Variants in ZNF638 observed in about 807,000 individuals in gnomAD.
The protein encoded by ZNF638 is zinc finger protein 638.
Under a neutral mutation model 195.6 loss-of-function variants are expected in ZNF638, and 46 were observed. The observed-to-expected ratio is 0.24, with a 90% CI of 0.19 to 0.30. The LOEUF is 0.30. ZNF638 is among the 10% of genes least tolerant of loss of function. The pLI is 1.00. For synonymous variants in ZNF638, 845 were observed against 772.0 expected (o/e 1.09, Z -1.57); for missense variants, 2,440 against 2,325.3 (o/e 1.05, Z -1.01).
At chr2:71,361,154 G>C in intron 3 of ZNF638, among the ~76,000 whole-genome samples, 1 of 152,096 alleles carries the variant, frequency 6.6e-6, no homozygotes, top group East Asian at 1.9e-4. Context: ...GTAGAGACAG[G>C]GTTGCCAAAG....
intron 10 of ZNF638, among the ~76,000 whole-genome samples, chr2:71,386,337 T>C (rs1394645544): frequency 6.6e-6 from 1 of 151,308 alleles, no homozygotes; most frequent in Non-Finnish European, 1.5e-5. Context: ...ATTTATGATA[T>C]GTATGTGTGT....
At chr2:71,340,339 A>G (rs1316379333) in intron 1 of ZNF638, among the ~76,000 whole-genome samples, 1 of 152,234 alleles carries the variant, frequency 6.6e-6, no homozygotes, top group Non-Finnish European at 1.5e-5. Context: ...CTTTTGTGAG[A>G]CAAGAGAGGA....
In ZNF638 at chr2:71,365,722, A is replaced by G. The variant is rs959830807; in HGVS notation, c.1995+16A>G. The G allele has an allele frequency of 1.3e-6, 2 of 1,579,454 alleles. No homozygotes were observed. Among genetic ancestry groups the G allele is most frequent in the Non-Finnish European group, 1.7e-6 (2 of 1,164,738 alleles). ...CCAGCGAAAGGTAATTCTTTAATTA[A>G]TAATTATTTTTAGAGATAAGGTTTC... On this transcript the variant is annotated intron_variant, in intron 6 of 27. Transcript: ENST00000264447.
intron 1 of ZNF638, among the ~76,000 whole-genome samples, chr2:71,342,901 C>T (rs1225074618): frequency 6.6e-6 from 1 of 151,918 alleles, no homozygotes; most frequent in African/African-American, 2.4e-5. Context: ...GAATATTATG[C>T]CTTTGTCAGA....
In ZNF638 at chr2:71,374,589, C is replaced by T. The variant is rs555868438; in HGVS notation, c.2265+4584C>T. 5.9e-5 allele frequency among the ~76,000 whole-genome samples: 9 copies of T among 152,190 alleles called. No individual in the cohort carries two copies. In the South Asian group the frequency reaches 8.3e-4, roughly 14 times the overall value. ...AATTTAATTAATACTGTGTTGAATT[C>T]GTGATAGTATTTTTACAACACTAAG... On this transcript the variant is annotated intron_variant, in intron 8 of 27. Coordinates refer to ENST00000264447, the MANE Select transcript of ZNF638 (RefSeq NM_014497.5).
chr2:71,364,128 TAGATAC>T lies in ZNF638; in HGVS notation c.1598_1603del (p.Tyr533_Arg534del), dbSNP rs1211376135. On this transcript the variant is annotated inframe_deletion, in exon 5 of 28. Coordinates refer to ENST00000264447, the MANE Select transcript of ZNF638 (RefSeq NM_014497.5). The stretch of plus-strand genomic sequence containing the variant: ...CAAGAATTTGCCATCGTTTCATTTC[TAGATAC>T]AGATCCAGATCCAGATCCCGTTCAC... 5 of 1,614,202 alleles carry T rather than the reference TAGATAC, an allele frequency of 3.1e-6. No homozygotes were observed. The highest frequency in any genetic ancestry group is 4.2e-6 in the Non-Finnish European group (5 of 1,180,034).
At chr2:71,375,520 A>G (rs2079404689) in intron 8 of ZNF638, 1 of 152,204 alleles carries the variant, frequency 6.6e-6, no homozygotes, top group Non-Finnish European at 1.5e-5. Flanking sequence ...TTTTCTGGAA[A>G]GAGTGAGTTC....
In ZNF638 at chr2:71,337,718, G is replaced by A. The variant is rs368747082; in HGVS notation, c.-203+5843G>A. On this transcript the variant is annotated intron_variant, in intron 1 of 27. Coordinates refer to ENST00000264447, the MANE Select transcript of ZNF638 (RefSeq NM_014497.5). ...AATGCGCAGCCTATAAAATTATTCA[G>A]TCTACTATTTGTATTCTGGTTTTTG... 3.3e-5 allele frequency among the ~76,000 whole-genome samples: 5 copies of A among 152,100 alleles called. No individual in the cohort carries two copies. The South Asian group carries it at 6.2e-4, about 19-fold the overall frequency.
chr2:71,418,675 GTATT>G (rs2152596705), intron 21 of ZNF638, 36 bp downstream of exon 21: 7 of 1,441,288 alleles, frequency 4.9e-6, no homozygotes, highest in Non-Finnish European at 6.6e-6. Context: ...CTTTTGTATA[GTATT>G]TAGTTTCTGA....
At chr2:71,352,703 TAAGTG>T (rs1333131452) in intron 2 of ZNF638, among the ~76,000 whole-genome samples, 3 of 152,092 alleles carry the variant, frequency 2.0e-5, no homozygotes, top group African/African-American at 4.8e-5. Flanking sequence ...AGTTTGTTGA[TAAGTG>T]AAGTGACATG....
intron 13 of ZNF638, 100 bp downstream of exon 13, chr2:71,399,745 G>A (rs2079968295): frequency 1.0e-5 from 9 of 884,062 alleles, no homozygotes; most frequent in South Asian, 1.7e-5. Context: ...ATAGGTAAAC[G>A]TGTCATGGGG....
intron 22 of ZNF638, 95 bp from the exon 23 acceptor site, chr2:71,424,552 ATGT>A: frequency 1.1e-6 from 1 of 927,658 alleles, no homozygotes; most frequent in South Asian, 1.6e-5. Context: ...TATTTGGGTA[ATGT>A]TTACTGTTTT....
rs752819242 is a variant in ZNF638 at position 71,365,657 on chromosome 2, T to G, written c.1946T>G (p.Leu649Trp). 22 of 1,614,090 alleles carry G rather than the reference T, an allele frequency of 1.4e-5. No homozygotes were observed. The South Asian group carries it at 2.4e-4, about 18-fold the overall frequency. ...CKSKNLEDDTLSECKQVSDKA... is the reference protein window; with the variant it reads ...CKSKNLEDDTWSECKQVSDKA... Reference sequence around the variant, plus strand: ...TCAAAGAATCTTGAAGATGACACTTTGTCAGAATGTAAACAGGTGTCTGAT... The same window carrying G: ...TCAAAGAATCTTGAAGATGACACTTGGTCAGAATGTAAACAGGTGTCTGAT... The change falls in exon 6 of 28, where the codon TTG becomes TGG. Residue 649 changes from leucine to tryptophan, a missense_variant. Around this residue, in one of 5 missense-constraint regions of ZNF638, gnomAD observed 1,883 missense variants for 1,739.1 expected, o/e 1.08. Transcript: ENST00000264447.
At chr2:71,334,791 GGCGCCTGTAGTCCCA>G (rs1174175323) in intron 1 of ZNF638, among the ~76,000 whole-genome samples, 1 of 151,930 alleles carries the variant, frequency 6.6e-6, no homozygotes, top group Non-Finnish European at 1.5e-5. Flanking sequence ...CGTGGTGGCG[GGCGCCTGTAGTCCCA>G]GCGACTCGGG....
chr2:71,342,538 G>A (rs2542496), intron 1 of ZNF638, among the ~76,000 whole-genome samples: 137,460 of 152,268 alleles, frequency 0.9, 62,124 homozygotes, highest in Admixed American at 0.93. Flanking sequence ...ATCTACATAG[G>A]TAACTGTAGA....
At chr2:71,428,436 G>T in intron 24 of ZNF638, 111 bp from the exon 25 acceptor site, 2 of 735,006 alleles carry the variant, frequency 2.7e-6, no homozygotes, top group Non-Finnish European at 4.4e-6. Flanking sequence ...TCCCAAATTT[G>T]GGTATTTTTT....
At chr2:71,376,538 C>T (rs2079429192) in intron 8 of ZNF638, among the ~76,000 whole-genome samples, 1 of 152,128 alleles carries the variant, frequency 6.6e-6, no homozygotes, top group Admixed American at 6.5e-5. Flanking sequence ...AGAAGAAGAG[C>T]TGTGCTATAG....
At chr2:71,342,371 T>G (rs900088022) in intron 1 of ZNF638, among the ~76,000 whole-genome samples, 5 of 152,116 alleles carry the variant, frequency 3.3e-5, no homozygotes, top group African/African-American at 1.2e-4. Context: ...CAAATTCCCT[T>G]CATCTACCAC....
chr2:71,363,247 A>T (rs2079138467), intron 4 of ZNF638, 56 bp downstream of exon 4: 1 of 1,279,328 alleles, frequency 7.8e-7, no homozygotes. Flanking sequence ...AAAAGTAAAC[A>T]GTTAATTTTA....
Sources: allele counts gnomAD v4.1 joint callset (sites outside exome capture counted in the v4.1 genomes callset), GRCh38; gene constraint gnomAD v4.1.1; regional missense constraint gnomAD v4.1.1; transcripts MANE v1.5; gene names NCBI Gene and HGNC (gene_info 2026-07-23, HGNC 2026-07-21).